The following GUCY1A2 variants were observed in gnomAD, a reference collection of about 807,000 sequenced individuals.
GUCY1A2 encodes guanylate cyclase soluble subunit alpha-2.
Under a neutral mutation model 63.5 loss-of-function variants are expected in GUCY1A2, and 27 were observed. That is an observed-to-expected ratio of 0.43 (90% CI 0.31 to 0.59). The LOEUF (loss-of-function observed/expected upper bound fraction) is 0.59. GUCY1A2 is among the 20% of genes least tolerant of loss of function. The probability of loss-of-function intolerance (pLI) is 0.11; values close to 1 mark genes in which losing one functional copy is unlikely to be tolerated. For synonymous variants in GUCY1A2, 364 were observed against 343.5 expected (o/e 1.06, Z -0.66); for missense variants, 768 against 913.3 (o/e 0.84, Z 2.05).
At position 106,679,625 on chromosome 11, in the gene GUCY1A2, C is replaced by A; in HGVS notation, c.*7924G>T. The A allele has an allele frequency of 4.7e-6, 1 of 211,568 alleles. No homozygotes were observed. The highest frequency in any genetic ancestry group is 9.6e-6 in the Non-Finnish European group (1 of 104,376). 13.1% of individuals were successfully genotyped at this position (211,568 alleles called of 1,614,324 possible). ...AAAAGTATATTCTTCTCACTGAATG[C>A]TAGCTCAGCCAGGCATGTTATAAAA... On this transcript the variant is annotated 3_prime_UTR_variant, in exon 8 of 8. Coordinates refer to ENST00000526355, the MANE Select transcript of GUCY1A2 (RefSeq NM_000855.3).
intron 3 of GUCY1A2, among the ~76,000 whole-genome samples, chr11:106,972,279 T>C (rs1356773094): frequency 6.6e-6 from 1 of 152,096 alleles, no homozygotes; most frequent in East Asian, 1.9e-4. Context: ...TGATGTCAAA[T>C]GGGGAAAATG....
rs1405160079 is a variant in GUCY1A2 at position 106,683,044 on chromosome 11, C to A, written c.*4505G>T. The A allele has an allele frequency of 9.2e-6, 2 of 217,496 alleles. No homozygotes were observed. The highest frequency in any genetic ancestry group is 2.3e-5 in the African/African-American group (1 of 44,402). The allele number at this position is 217,496 out of a possible 1,614,324, so 13.5% of individuals were successfully genotyped here. A position where few individuals can be genotyped will look rare whatever the true frequency, so the allele number is the denominator to read the frequency against. Reference sequence around the variant, plus strand: ...TACCCATTTAACAATAAATTTTGTTCAATCACATGAACACAATTTATGTGT... The same window carrying A: ...TACCCATTTAACAATAAATTTTGTTAAATCACATGAACACAATTTATGTGT... On this transcript the variant is annotated 3_prime_UTR_variant, in exon 8 of 8. Transcript: ENST00000526355.
At chr11:106,986,861 A>C (rs1247548527) in intron 1 of GUCY1A2, among the ~76,000 whole-genome samples, 2 of 152,176 alleles carry the variant, frequency 1.3e-5, no homozygotes, top group Non-Finnish European at 2.9e-5. Flanking sequence ...AGTCTGCAAC[A>C]AATATCTAAG....
chr11:106,946,614 A>C (rs1860832829), intron 3 of GUCY1A2, among the ~76,000 whole-genome samples: 1 of 152,124 alleles, frequency 6.6e-6, no homozygotes, highest in Non-Finnish European at 1.5e-5. Context: ...AGAAGTGATA[A>C]ACAGAATAAA....
At chr11:106,817,924 A>G (rs1253188842) in intron 4 of GUCY1A2, among the ~76,000 whole-genome samples, 1 of 152,140 alleles carries the variant, frequency 6.6e-6, no homozygotes, top group East Asian at 1.9e-4. Flanking sequence ...CATGATGACA[A>G]ACAGTATCAA....
At chr11:106,985,030 G>A (rs1218322635) in intron 2 of GUCY1A2, among the ~76,000 whole-genome samples, 6 of 151,964 alleles carry the variant, frequency 3.9e-5, no homozygotes, top group African/African-American at 1.5e-4. Flanking sequence ...TAGGTACCGA[G>A]ATTATTTTTC....
At chr11:106,907,028 T>C (rs1860218238) in intron 4 of GUCY1A2, among the ~76,000 whole-genome samples, 1 of 152,094 alleles carries the variant, frequency 6.6e-6, no homozygotes, top group East Asian at 1.9e-4. Context: ...GGCACGTGTA[T>C]ATCTAAGTAA....
At chr11:106,767,997 A>T (rs1170938072) in intron 6 of GUCY1A2, among the ~76,000 whole-genome samples, 1 of 152,210 alleles carries the variant, frequency 6.6e-6, no homozygotes, top group African/African-American at 2.4e-5. Context: ...ATTACAATCC[A>T]CAACAAACAA....
intron 4 of GUCY1A2, among the ~76,000 whole-genome samples, chr11:106,863,705 G>A (rs1180330763): frequency 6.6e-6 from 1 of 152,048 alleles, no homozygotes; most frequent in Non-Finnish European, 1.5e-5. Flanking sequence ...GGATAGCATT[G>A]AGTCTATAAT....
chr11:106,715,447 T>TA (rs928915728), intron 6 of GUCY1A2, among the ~76,000 whole-genome samples: 4 of 152,178 alleles, frequency 2.6e-5, no homozygotes, highest in Non-Finnish European at 5.9e-5. Context: ...CAGCGCATTA[T>TA]AAAAAATGCC....
chr11:106,932,735 C>G (rs1199826071), intron 4 of GUCY1A2, among the ~76,000 whole-genome samples: 1 of 152,090 alleles, frequency 6.6e-6, no homozygotes, highest in Non-Finnish European at 1.5e-5. Context: ...TATAAGGTTA[C>G]AATAACCAAA....
chr11:106,810,491 C>A lies in GUCY1A2; in HGVS notation c.1207-13G>T. 1 of 1,584,680 alleles carries A rather than the reference C, an allele frequency of 6.3e-7. No individual in the cohort carries two copies. Among genetic ancestry groups the A allele is most frequent in the African/African-American group, 1.4e-5 (1 of 73,998 alleles). On this transcript the variant is annotated splice_polypyrimidine_tract_variant and intron_variant, in intron 4 of 7. Coordinates refer to ENST00000526355, the MANE Select transcript of GUCY1A2 (RefSeq NM_000855.3). ...TGACTTCCATCACCTGTGAAATTAA[C>A]ATGGAATTTTGATCAGTACTCTTCA...
At chr11:106,873,843 C>A (rs1859713619) in intron 4 of GUCY1A2, among the ~76,000 whole-genome samples, 1 of 152,068 alleles carries the variant, frequency 6.6e-6, no homozygotes, top group Admixed American at 6.6e-5. Flanking sequence ...CGTTCTTCAC[C>A]AATAGACTAG....
intron 4 of GUCY1A2, among the ~76,000 whole-genome samples, chr11:106,818,208 A>C (rs1397224684): frequency 6.6e-6 from 1 of 152,168 alleles, no homozygotes; most frequent in Non-Finnish European, 1.5e-5. Context: ...ACAAATTGAA[A>C]GTTTGTGACA....
intron 3 of GUCY1A2, among the ~76,000 whole-genome samples, chr11:106,950,675 G>C (rs919377037): frequency 5.9e-5 from 9 of 152,178 alleles, no homozygotes; most frequent in African/African-American, 2.2e-4. Context: ...GGCCACAGAA[G>C]AGGCAGCAGG....
intron 4 of GUCY1A2, among the ~76,000 whole-genome samples, chr11:106,909,392 C>T (rs2156589): frequency 0.76 from 102,185 of 134,832 alleles, 37,327 homozygotes; most frequent in African/African-American, 0.83. Context: ...TGTGTGTGTA[C>T]GCTTTTCATT....
rs1863975539 is a variant in GUCY1A2 at position 106,756,449 on chromosome 11, TC to T, written c.1836+19989del. Among the ~76,000 whole-genome samples, 7 of 152,334 alleles carry T rather than the reference TC, an allele frequency of 4.6e-5. No individual in the cohort carries two copies. The South Asian group carries it at 1.4e-3, about 32-fold the overall frequency. Reference sequence around the variant, plus strand: ...TGCAGTTTCTTCATAGTGTTGATGGTCTTTACAATTGGCGTGTTTTTGCAGT... The same window carrying T: ...TGCAGTTTCTTCATAGTGTTGATGGTTTTACAATTGGCGTGTTTTTGCAGT... On this transcript the variant is annotated intron_variant, in intron 6 of 7. Coordinates refer to ENST00000526355, the MANE Select transcript of GUCY1A2 (RefSeq NM_000855.3).
intron 4 of GUCY1A2, among the ~76,000 whole-genome samples, chr11:106,851,786 G>C (rs1028078778): frequency 6.6e-6 from 1 of 151,920 alleles, no homozygotes; most frequent in Non-Finnish European, 1.5e-5. Flanking sequence ...CAGGTGGTGT[G>C]ATGCCTACAG....
At chr11:106,750,712 T>C (rs1863867554) in intron 6 of GUCY1A2, among the ~76,000 whole-genome samples, 2 of 151,206 alleles carry the variant, frequency 1.3e-5, no homozygotes, top group Non-Finnish European at 2.9e-5. Context: ...TCCAGTGTAG[T>C]TGTTTTAGCA....
Sources: gnomAD v4.1 joint callset for allele counts (sites outside exome capture counted in the v4.1 genomes callset) on GRCh38, gnomAD v4.1.1 for gene constraint, MANE v1.5 for transcripts, NCBI Gene and HGNC (gene_info 2026-07-23, HGNC 2026-07-21) for gene names.